PPEF2: variants seen among roughly 807,000 people sequenced by gnomAD.
The protein encoded by PPEF2 is protein phosphatase with EF-hand domain 2, also known as serine/threonine-protein phosphatase with EF-hands 2.
Under a neutral mutation model 84.7 loss-of-function variants are expected in PPEF2, and 84 were observed. The ratio of observed to expected loss-of-function variants is 0.99; its 90% CI spans 0.83 to 1.19. The LOEUF (loss-of-function observed/expected upper bound fraction) is 1.19. Among genes scored for constraint, PPEF2 ranks in the 50% most tolerant of loss-of-function variants. The pLI is 0.00. For synonymous variants in PPEF2, 346 were observed against 345.2 expected (o/e 1.00, Z -0.03); for missense variants, 924 against 937.5 (o/e 0.99, Z 0.19).
At chr4:75,868,359 C>T (rs2149215392) in intron 13 of PPEF2, among the ~76,000 whole-genome samples, 1 of 137,498 alleles carries the variant, frequency 7.3e-6, no homozygotes, top group South Asian at 2.4e-4. Flanking sequence ...AAAAGGTAAG[C>T]ATACGTTACT....
chr4:75,864,225 G>C (rs1294098622), intron 16 of PPEF2, among the ~76,000 whole-genome samples: 1 of 152,148 alleles, frequency 6.6e-6, no homozygotes, highest in Non-Finnish European at 1.5e-5. Flanking sequence ...CATTCAGTTT[G>C]TCTTCATTCT....
chr4:75,898,982 C>T (rs1269773644), intron 1 of PPEF2, among the ~76,000 whole-genome samples: 1 of 151,904 alleles, frequency 6.6e-6, no homozygotes, highest in Non-Finnish European at 1.5e-5. Context: ...TAACATTGTA[C>T]CTGTTAATCA....
intron 10 of PPEF2, among the ~76,000 whole-genome samples, chr4:75,877,460 AG>A (rs1724458242): frequency 6.6e-6 from 1 of 152,208 alleles, no homozygotes; most frequent in Non-Finnish European, 1.5e-5. Context: ...AAGGAACTGT[AG>A]GTCCTTTGAG....
intron 16 of PPEF2, among the ~76,000 whole-genome samples, chr4:75,863,020 G>A (rs749067491): frequency 2.6e-5 from 4 of 152,154 alleles, no homozygotes; most frequent in Non-Finnish European, 4.4e-5. Flanking sequence ...TTGAACACAG[G>A]CTAGGTGACA....
intron 16 of PPEF2, among the ~76,000 whole-genome samples, chr4:75,861,200 A>G (rs1723991009): frequency 6.6e-6 from 1 of 152,150 alleles, no homozygotes; most frequent in Non-Finnish European, 1.5e-5. Context: ...TGCTACTGGC[A>G]TCTAATAAAT....
intron 2 of PPEF2, among the ~76,000 whole-genome samples, chr4:75,895,778 C>T (rs1026727217): frequency 2.6e-5 from 4 of 151,660 alleles, no homozygotes; most frequent in Non-Finnish European, 4.4e-5. Context: ...CTTGATCTGT[C>T]GTCCAGGCTG....
intron 8 of PPEF2, 89 bp downstream of exon 8, chr4:75,884,505 G>A (rs574838068): frequency 1.4e-4 from 185 of 1,367,902 alleles, no homozygotes; most frequent in Admixed American, 8.8e-4. Flanking sequence ...AGTTTTAAAG[G>A]CATTTAACAA....
chr4:75,897,447 C>T (rs1725034770), intron 1 of PPEF2, among the ~76,000 whole-genome samples: 1 of 152,174 alleles, frequency 6.6e-6, no homozygotes, highest in African/African-American at 2.4e-5. Flanking sequence ...ACATATTCAG[C>T]TCCCTGCTAA....
intron 1 of PPEF2, among the ~76,000 whole-genome samples, chr4:75,901,297 C>T (rs1365770264): frequency 6.6e-6 from 1 of 152,106 alleles, no homozygotes; most frequent in African/African-American, 2.4e-5. Flanking sequence ...GGTTGGATCC[C>T]CTGAGCTCAG....
At chr4:75,868,788 A>T (rs1724196331) in intron 13 of PPEF2, among the ~76,000 whole-genome samples, 1 of 152,134 alleles carries the variant, frequency 6.6e-6, no homozygotes, top group Admixed American at 6.5e-5. Context: ...GGATCACTTG[A>T]GGCCAGGAGC....
intron 7 of PPEF2, among the ~76,000 whole-genome samples, chr4:75,886,186 C>T (rs530411282): frequency 6.6e-6 from 1 of 152,270 alleles, no homozygotes; most frequent in South Asian, 2.1e-4. Context: ...CTGAATGCCT[C>T]TAAGTCAGAA....
chr4:75,892,884 T>G (rs906756824), intron 2 of PPEF2, among the ~76,000 whole-genome samples: 5 of 152,312 alleles, frequency 3.3e-5, no homozygotes, highest in Admixed American at 1.3e-4. Context: ...AATGGACTAT[T>G]TGTGGATAAA....
At chr4:75,884,817 G>T in intron 7 of PPEF2, 57 bp from the exon 8 acceptor site, 3 of 1,427,794 alleles carry the variant, frequency 2.1e-6, no homozygotes, top group South Asian at 2.8e-5. Flanking sequence ...TAGGAAATCA[G>T]GTTAAAACCA....
rs1369885021 is a variant in PPEF2, at chr4:75,859,914, A to C, written c.*753T>G. ...ATTTATTTTTTTAAAAGTAGAACAT[A>C]AAATTATATAAACACTACAGTAACA... On this transcript the variant is annotated 3_prime_UTR_variant, in exon 17 of 17. Transcript: ENST00000286719. 2 of 152,236 alleles carry C rather than the reference A, an allele frequency of 1.3e-5. No individual in the cohort carries two copies. Among genetic ancestry groups the C allele is most frequent in the Non-Finnish European group, 2.9e-5 (2 of 68,046 alleles). 9.4% of individuals were successfully genotyped at this position (152,236 alleles called of 1,614,324 possible). A position where few individuals can be genotyped will look rare whatever the true frequency, so the allele number is the denominator to read the frequency against.
intron 14 of PPEF2, 170 bp from the exon 15 acceptor site, chr4:75,866,522 G>A (rs549907442): frequency 6.5e-6 from 5 of 771,428 alleles, no homozygotes; most frequent in Non-Finnish European, 1.1e-5. Flanking sequence ...AGCTAGGCTT[G>A]CCAGATAAAA....
intron 10 of PPEF2, among the ~76,000 whole-genome samples, chr4:75,877,809 G>A (rs555263833): frequency 3.4e-4 from 52 of 151,698 alleles, no homozygotes; most frequent in Non-Finnish European, 6.3e-4. Context: ...TGTATTTTAC[G>A]AAAGTATTGA....
chr4:75,901,922 A>C (rs1392383923), intron 1 of PPEF2, among the ~76,000 whole-genome samples: 1 of 152,100 alleles, frequency 6.6e-6, no homozygotes, highest in East Asian at 1.9e-4. Flanking sequence ...CTATGATTGC[A>C]CTTATGAACA....
Position 75,896,672 on chromosome 4 carries a change from TCTAA to T in PPEF2, c.-58-293_-58-290del, listed in dbSNP as rs147402058. Reference sequence around the variant, plus strand: ...CTCCTCCCTTGACCTCCTATATTCCTCTAACTGTCACCCAACCTCTCTTGTCTTC... The same window carrying T: ...CTCCTCCCTTGACCTCCTATATTCCTCTGTCACCCAACCTCTCTTGTCTTC... On this transcript the variant is annotated intron_variant, in intron 1 of 16. Transcript: ENST00000286719. 2.7e-3 allele frequency among the ~76,000 whole-genome samples: 407 copies of T among 152,294 alleles called. 2 individuals carry two copies. Among genetic ancestry groups the T allele is most frequent in the African/African-American group, 9.3e-3 (387 of 41,556 alleles).
chr4:75,861,504 A>G (rs925448686), intron 16 of PPEF2, among the ~76,000 whole-genome samples: 1 of 131,260 alleles, frequency 7.6e-6, no homozygotes, highest in East Asian at 2.0e-4. Context: ...AACACTATAT[A>G]AAAAAAACTA....
Sources: gnomAD v4.1 joint callset for allele counts (sites outside exome capture counted in the v4.1 genomes callset) on GRCh38, gnomAD v4.1.1 for gene constraint, MANE v1.5 for transcripts, NCBI Gene and HGNC (gene_info 2026-07-23, HGNC 2026-07-21) for gene names.